The following SKI variants were observed in gnomAD, a reference collection of about 807,000 sequenced individuals.
The protein encoded by SKI is SKI proto-oncogene, also known as ski oncogene.
Under a neutral mutation model 59.3 loss-of-function variants are expected in SKI, and 23 were observed. The observed-to-expected ratio is 0.39, with a 90% CI of 0.28 to 0.55. SKI has a LOEUF of 0.55. SKI is among the 20% of genes least tolerant of loss of function. The probability of loss-of-function intolerance (pLI) is 0.67; values close to 1 mark genes in which losing one functional copy is unlikely to be tolerated. For synonymous variants in SKI, 673 were observed against 488.6 expected, an observed-to-expected ratio of 1.38 and a Z score of -4.98; for missense variants, 1,017 against 1,038.9, an observed-to-expected ratio of 0.98 and a Z score of 0.29.
Position 2,279,641 on chromosome 1 carries a change from G to C in SKI, c.970-23337G>C, listed in dbSNP as rs111399482. On this transcript the variant is annotated intron_variant, in intron 1 of 6. Coordinates refer to ENST00000378536, the MANE Select transcript of SKI (RefSeq NM_003036.4). ...AGGGCTGAAGGGGGGAGTCGGCTTG[G>C]GGGGAGAGTGTTCTCCTGCCCACCC... Among the ~76,000 whole-genome samples the C allele has an allele frequency of 6.6e-3, 1,006 of 152,230 alleles. 9 individuals are homozygous for C. Among genetic ancestry groups the C allele is most frequent in the African/African-American group, 0.022 (926 of 41,534 alleles).
At chr1:2,245,774 C>T (rs1638980222) in intron 1 of SKI, among the ~76,000 whole-genome samples, 1 of 138,624 alleles carries the variant, frequency 7.2e-6, no homozygotes, top group South Asian at 2.4e-4. Context: ...CTGCACCTGG[C>T]CCTATTTTTC....
intron 1 of SKI, among the ~76,000 whole-genome samples, chr1:2,293,456 T>C (rs1396579729): frequency 1.4e-5 from 2 of 146,578 alleles, no homozygotes; most frequent in Non-Finnish European, 3.0e-5. Flanking sequence ...AAGGTTCTCC[T>C]GCGTCGCCCT....
rs539374830 is a variant in SKI at position 2,287,431 on chromosome 1, G to T, written c.970-15547G>T. On this transcript the variant is annotated intron_variant, in intron 1 of 6. Coordinates refer to ENST00000378536, the MANE Select transcript of SKI (RefSeq NM_003036.4). ...GGCTCACTGCAAGCTCCGCCTCCCG[G>T]GTTCACGCCATTCTCCTGCCTCAGC... Among the ~76,000 whole-genome samples, 5 of 151,168 alleles carry T rather than the reference G, an allele frequency of 3.3e-5. No individual in the cohort carries two copies. In the South Asian group the frequency reaches 8.4e-4, roughly 25 times the overall value.
intron 1 of SKI, among the ~76,000 whole-genome samples, chr1:2,272,904 T>G (rs555490548): frequency 8.0e-4 from 122 of 152,236 alleles, no homozygotes; most frequent in African/African-American, 2.8e-3. Context: ...CGTCTGTGCT[T>G]CTTCCAGGCG....
chr1:2,231,461 A>G (rs1569666288), intron 1 of SKI, among the ~76,000 whole-genome samples: 1 of 151,942 alleles, frequency 6.6e-6, no homozygotes, highest in Non-Finnish European at 1.5e-5. Context: ...CCTCGTTGTC[A>G]CAGCTGACAC....
intron 1 of SKI, among the ~76,000 whole-genome samples, chr1:2,296,100 C>T (rs1004916945): frequency 6.6e-6 from 1 of 151,922 alleles, no homozygotes; most frequent in Non-Finnish European, 1.5e-5. Context: ...CTAAAAAATT[C>T]TAGGCCAGGC....
In SKI at chr1:2,229,195, C is replaced by T. The variant is rs750951866; in HGVS notation, c.429C>T (p.Cys143=). The part of the protein sequence containing the change: ...DFSLQQINAV[C]DELHIYCSRC... ...CGCTGCAGCAGATCAACGCGGTGTG[C>T]GACGAGCTCCACATCTACTGCTCGC... The change falls in exon 1 of 7, where the codon TGC becomes TGT. Residue 143 remains cysteine (C), a synonymous_variant. Coordinates refer to ENST00000378536, the MANE Select transcript of SKI (RefSeq NM_003036.4). The surrounding 1 kb of genome is among the most constrained non-coding windows in gnomAD (Gnocchi z 6.3). The T allele has an allele frequency of 1.9e-6, 3 of 1,610,338 alleles. No individual in the cohort carries two copies. Among genetic ancestry groups the T allele is most frequent in the South Asian group, 1.1e-5 (1 of 90,666 alleles).
At chr1:2,284,134 C>T (rs931086828) in intron 1 of SKI, among the ~76,000 whole-genome samples, 2 of 152,202 alleles carry the variant, frequency 1.3e-5, no homozygotes, top group African/African-American at 4.8e-5. Context: ...ATGGACCTCC[C>T]CTCTTGGGTG....
intron 1 of SKI, among the ~76,000 whole-genome samples, chr1:2,259,858 G>T (rs1639346686): frequency 6.6e-6 from 1 of 152,208 alleles, no homozygotes; most frequent in Admixed American, 6.5e-5. Context: ...TTGGATGCGT[G>T]GCGTGTGCTG....
In SKI at chr1:2,292,191, G is replaced by A. The variant is rs1009367501; in HGVS notation, c.970-10787G>A. ...TCAGCGCGAGCTTCTGCCAGTCCCCGGAGAGGAGTCCCCACGCCTCCTTGC... is the reference window on the plus strand; with the variant it reads ...TCAGCGCGAGCTTCTGCCAGTCCCCAGAGAGGAGTCCCCACGCCTCCTTGC... On this transcript the variant is annotated intron_variant, in intron 1 of 6. Coordinates refer to ENST00000378536, the MANE Select transcript of SKI (RefSeq NM_003036.4). Among the ~76,000 whole-genome samples the A allele has an allele frequency of 3.9e-5, 6 of 152,332 alleles. No homozygotes were observed. In the East Asian group the frequency reaches 7.7e-4, roughly 20 times the overall value.
intron 1 of SKI, among the ~76,000 whole-genome samples, chr1:2,231,808 G>T (rs1638645248): frequency 1.3e-5 from 2 of 152,212 alleles, no homozygotes; most frequent in South Asian, 4.1e-4. Flanking sequence ...TGCTCCTGGG[G>T]GTGGGGCACC....
chr1:2,252,283 G>A (rs1639169481), intron 1 of SKI, among the ~76,000 whole-genome samples: 1 of 152,240 alleles, frequency 6.6e-6, no homozygotes, highest in Non-Finnish European at 1.5e-5. Flanking sequence ...GTAGGGGGCT[G>A]TGTCCCAAGA....
At chr1:2,290,907 C>T (rs753757580) in intron 1 of SKI, among the ~76,000 whole-genome samples, 10 of 152,242 alleles carry the variant, frequency 6.6e-5, no homozygotes, top group South Asian at 6.2e-4. Context: ...TTCTGTGTTC[C>T]GCATTTTTCT....
At chr1:2,275,026 C>T (rs1639710348) in intron 1 of SKI, among the ~76,000 whole-genome samples, 1 of 152,202 alleles carries the variant, frequency 6.6e-6, no homozygotes, top group East Asian at 1.9e-4. Flanking sequence ...GGGCACCTCT[C>T]ACCCACCCAA....
chr1:2,268,431 C>T lies in SKI; in HGVS notation c.970-34547C>T, dbSNP rs148045975. On this transcript the variant is annotated intron_variant, in intron 1 of 6. Coordinates refer to ENST00000378536, the MANE Select transcript of SKI (RefSeq NM_003036.4). This position sits in a 1 kb window ranked among gnomAD's most constrained non-coding sequence, Gnocchi z 5.0. Reference sequence around the variant, plus strand: ...TCTGCGTGGCGCTGATGGAGGGCCTCTTGTTAAGGGGGCACGGTAGTGAGT... The same window carrying T: ...TCTGCGTGGCGCTGATGGAGGGCCTTTTGTTAAGGGGGCACGGTAGTGAGT... 1.9e-4 allele frequency among the ~76,000 whole-genome samples: 29 copies of T among 152,284 alleles called. No homozygotes were observed. The highest frequency in any genetic ancestry group is 6.5e-4 in the African/African-American group (27 of 41,576).
intron 1 of SKI, among the ~76,000 whole-genome samples, chr1:2,241,285 A>G (rs985893650): frequency 6.6e-6 from 1 of 152,216 alleles, no homozygotes; most frequent in African/African-American, 2.4e-5. Context: ...CTTTCACTGA[A>G]GTAGAGAGAT....
chr1:2,242,633 C>T (rs907362713), intron 1 of SKI, among the ~76,000 whole-genome samples: 1 of 152,322 alleles, frequency 6.6e-6, no homozygotes, highest in African/African-American at 2.4e-5. Context: ...GATTCTCCCG[C>T]CTCAGCTTCC....
In SKI at chr1:2,270,375, A is replaced by C. The variant is rs1359193733; in HGVS notation, c.970-32603A>C. ...CAGCCGTTGGACAGTGCCCATCTTG[A>C]ATGCAGCCCTGGTGACCTGAAGCCC... On this transcript the variant is annotated intron_variant, in intron 1 of 6. Transcript: ENST00000378536. This position sits in a 1 kb window ranked among gnomAD's most constrained non-coding sequence, Gnocchi z 4.1. 6.6e-6 allele frequency among the ~76,000 whole-genome samples: 1 copy of C among 152,132 alleles called. No homozygotes were observed. Among genetic ancestry groups the C allele is most frequent in the Non-Finnish European group, 1.5e-5 (1 of 68,008 alleles).
chr1:2,260,250 C>T (rs1357204981), intron 1 of SKI, among the ~76,000 whole-genome samples: 5 of 152,172 alleles, frequency 3.3e-5, no homozygotes, highest in Non-Finnish European at 7.4e-5. Context: ...GTTGCGCTTC[C>T]CCAATCGTTG....
Sources: gnomAD v4.1 joint callset for allele counts (sites outside exome capture counted in the v4.1 genomes callset) on GRCh38, gnomAD v4.1.1 for gene constraint, Gnocchi (gnomAD v3.1) non-coding constraint, MANE v1.5 for transcripts, NCBI Gene and HGNC (gene_info 2026-07-23, HGNC 2026-07-21) for gene names.